The following B3GNT2 variants were observed in gnomAD, a reference collection of about 807,000 sequenced individuals.
B3GNT2 encodes UDP-GlcNAc:betaGal beta-1,3-N-acetylglucosaminyltransferase 2, also known as N-acetyllactosaminide beta-1,3-N-acetylglucosaminyltransferase 2.
Under a neutral mutation model 27.6 loss-of-function variants are expected in B3GNT2, and 12 were observed. The observed-to-expected ratio is 0.44, with a 90% confidence interval of 0.28 to 0.71. The LOEUF (loss-of-function observed/expected upper bound fraction) is 0.71, where lower values mean the gene tolerates loss of function less well. Among genes scored for constraint, B3GNT2 ranks in the 30% least tolerant of loss-of-function variants. The pLI is 0.17. For synonymous variants in B3GNT2, 192 were observed against 189.7 expected, an observed-to-expected ratio of 1.01 and a Z score of -0.10; for missense variants, 413 against 488.5, an observed-to-expected ratio of 0.85 and a Z score of 1.46.
chr2:62,212,866 G>A (rs1299419515), intron 1 of B3GNT2, among the ~76,000 whole-genome samples: 1 of 152,090 alleles, frequency 6.6e-6, no homozygotes, highest in Non-Finnish European at 1.5e-5. Flanking sequence ...GTTGAACCCA[G>A]ACTGAAAAAC....
chr2:62,202,595 G>A (rs1674289853), intron 1 of B3GNT2, among the ~76,000 whole-genome samples: 1 of 152,150 alleles, frequency 6.6e-6, no homozygotes, highest in Non-Finnish European at 1.5e-5. Flanking sequence ...GACAAGTTAT[G>A]GCCAGGCTTG....
chr2:62,196,879 C>T (rs190602177), intron 1 of B3GNT2, among the ~76,000 whole-genome samples: 6 of 152,186 alleles, frequency 3.9e-5, no homozygotes, highest in Non-Finnish European at 5.9e-5. Context: ...GCCGGCCTCC[C>T]GTGCCGCATG....
At chr2:62,215,354 C>G (rs756465999) in intron 1 of B3GNT2, among the ~76,000 whole-genome samples, 3 of 152,148 alleles carry the variant, frequency 2.0e-5, no homozygotes, top group African/African-American at 7.2e-5. Context: ...TCCAGGGAGT[C>G]CTGAGGCTCC....
intron 1 of B3GNT2, among the ~76,000 whole-genome samples, chr2:62,207,808 A>G (rs1674405137): frequency 6.6e-6 from 1 of 152,158 alleles, no homozygotes; most frequent in Admixed American, 6.5e-5. Context: ...CCCCGTTCCT[A>G]ACAGACCATG....
intron 1 of B3GNT2, among the ~76,000 whole-genome samples, chr2:62,201,322 TA>T (rs1199372899): frequency 6.6e-6 from 1 of 152,268 alleles, no homozygotes. Flanking sequence ...GCCACCTGTG[TA>T]ACATGAGCTA....
At chr2:62,215,149 A>G (rs1674549162) in intron 1 of B3GNT2, among the ~76,000 whole-genome samples, 1 of 152,180 alleles carries the variant, frequency 6.6e-6, no homozygotes, top group African/African-American at 2.4e-5. Flanking sequence ...TTGATCTATA[A>G]TGTTGCCTGT....
rs200139399 is a variant in B3GNT2 at position 62,223,401 on chromosome 2, A to G, written c.1181A>G (p.His394Arg). The G allele has an allele frequency of 6.9e-6, 11 of 1,605,098 alleles. No individual in the cohort carries two copies. The South Asian group carries it at 1.0e-4, about 15-fold the overall frequency. Residue 394 changes from histidine to arginine, a missense_variant, in exon 2 of 2, where the codon CAT (histidine) becomes CGT (arginine). Physicochemically the swap from His to Arg is conservative, Grantham distance 29. Transcript: ENST00000301998. Reference protein sequence around the residue: ...IDIWSQLQSAHLKC With the variant: ...IDIWSQLQSARLKC ...ATTTGGTCTCAGTTGCAGAGTGCTC[A>G]TTTAAAATGCTAAAATAGATACAAA...
Position 62,222,486 on chromosome 2 carries a change from A to G in B3GNT2, c.266A>G (p.Asn89Ser), listed in dbSNP as rs768654582. The G allele has an allele frequency of 7.4e-6, 12 of 1,614,018 alleles. No individual in the cohort carries two copies. Among genetic ancestry groups the G allele is most frequent in the East Asian group, 4.5e-5 (2 of 44,896 alleles). Residue 89 changes from asparagine (N) to serine (S), a missense_variant, in exon 2 of 2, where the codon AAT (asparagine) becomes AGT (serine). By Grantham distance (46) the Asn-to-Ser change is conservative. Transcript: ENST00000301998. This position sits in a 1 kb window ranked among gnomAD's most constrained non-coding sequence, Gnocchi z 4.2. ...ACGGGGGAGGCGGGCAGGCTCTCCA[A>G]TATAAGCCATCTGAACTACTGCGAA... ...NQTGEAGRLS[N>S]ISHLNYCEPD...
chr2:62,221,973 C>T (rs1674704423), intron 1 of B3GNT2: 1 of 572,274 alleles, frequency 1.7e-6, no homozygotes, highest in Non-Finnish European at 3.2e-6. Context: ...CATATACTCA[C>T]AACCATCCTT....
At chr2:62,221,735 A>G (rs1674697483) in intron 1 of B3GNT2, 31 of 433,812 alleles carry the variant, frequency 7.1e-5, no homozygotes, top group South Asian at 5.3e-4. Context: ...ACATGTAAAT[A>G]GAGTTTTGTG....
At position 62,222,959 on chromosome 2, in the gene B3GNT2, G is replaced by C; in HGVS notation, c.739G>C (p.Asp247His). Reference protein sequence around the residue: ...DTEFVFKGDDDVFVNTHHILN... With the variant: ...DTEFVFKGDDHVFVNTHHILN... ...TGAGTTTGTTTTCAAGGGCGATGAC[G>C]ATGTTTTTGTGAACACCCATCACAT... is the stretch of plus-strand genomic sequence containing the variant. The change falls in exon 2 of 2, where the codon GAT becomes CAT. Residue 247 changes from aspartate (D) to histidine (H), a missense_variant. By Grantham distance (81) the Asp-to-His change is moderately conservative (BLOSUM62 -1). Coordinates refer to ENST00000301998, the MANE Select transcript of B3GNT2 (RefSeq NM_006577.6). This position sits in a 1 kb window ranked among gnomAD's most constrained non-coding sequence, Gnocchi z 4.2. 6.2e-7 allele frequency: 1 copy of C among 1,614,122 alleles called. No individual in the cohort carries two copies. Among genetic ancestry groups the C allele is most frequent in the Non-Finnish European group, 8.5e-7 (1 of 1,180,010 alleles).
intron 1 of B3GNT2, among the ~76,000 whole-genome samples, chr2:62,206,394 A>G (rs762586990): frequency 4.6e-5 from 7 of 152,150 alleles, no homozygotes; most frequent in Non-Finnish European, 7.4e-5. Context: ...TGTGTATCCA[A>G]TTGCGCCCAT....
chr2:62,214,374 A>G (rs950838814), intron 1 of B3GNT2, among the ~76,000 whole-genome samples: 2 of 149,284 alleles, frequency 1.3e-5, no homozygotes, highest in East Asian at 4.0e-4. Context: ...CCAGTGGCGT[A>G]ATAGAAGCAC....
intron 1 of B3GNT2, among the ~76,000 whole-genome samples, chr2:62,204,237 G>A (rs1459859739): frequency 6.6e-6 from 1 of 152,178 alleles, no homozygotes; most frequent in Non-Finnish European, 1.5e-5. Context: ...TGCTGGTCAG[G>A]CTGGTCTCGA....
At chr2:62,213,706 G>A (rs1171319785) in intron 1 of B3GNT2, among the ~76,000 whole-genome samples, 2 of 152,090 alleles carry the variant, frequency 1.3e-5, no homozygotes, top group African/African-American at 4.8e-5. Context: ...TCTCCCCTAA[G>A]TCTAGCAAGT....
intron 1 of B3GNT2, among the ~76,000 whole-genome samples, chr2:62,200,946 A>C (rs762970486): frequency 3.9e-5 from 6 of 152,240 alleles, no homozygotes; most frequent in Non-Finnish European, 7.3e-5. Flanking sequence ...TTAAAATTAC[A>C]CGAACTATTT....
In B3GNT2 at chr2:62,218,012, A is replaced by G. The variant is rs188999162; in HGVS notation, c.-9-4200A>G. On this transcript the variant is annotated intron_variant, in intron 1 of 1. Coordinates refer to ENST00000301998, the MANE Select transcript of B3GNT2 (RefSeq NM_006577.6). The stretch of plus-strand genomic sequence containing the variant: ...GGGGTTTTCTCTTATTTCTGTTACA[A>G]CAGAAAGTCTGTGTTTCACAGCGAG... 2.8e-4 allele frequency among the ~76,000 whole-genome samples: 42 copies of G among 152,324 alleles called. No homozygotes were observed. The East Asian group carries it at 7.9e-3, about 29-fold the overall frequency.
intron 1 of B3GNT2, among the ~76,000 whole-genome samples, chr2:62,213,500 G>C (rs890767320): frequency 6.6e-6 from 1 of 152,106 alleles, no homozygotes. Context: ...GGTCTGCTGC[G>C]GAAGAAGATG....
At chr2:62,216,300 G>A (rs1674571382) in intron 1 of B3GNT2, among the ~76,000 whole-genome samples, 1 of 152,062 alleles carries the variant, frequency 6.6e-6, no homozygotes, top group African/African-American at 2.4e-5. Context: ...AGTAGGTATT[G>A]AAGACCTTTG....
Sources: gnomAD v4.1 joint callset for allele counts (sites outside exome capture counted in the v4.1 genomes callset) on GRCh38, gnomAD v4.1.1 for gene constraint, Gnocchi (gnomAD v3.1) non-coding constraint, MANE v1.5 for transcripts, NCBI Gene and HGNC (gene_info 2026-07-23, HGNC 2026-07-21) for gene names.